The following SORCS2 variants were observed in gnomAD, a reference collection of about 807,000 sequenced individuals.
The protein encoded by SORCS2 is sortilin related VPS10 domain containing receptor 2.
SORCS2 carries 100 observed loss-of-function variants against 141.6 expected under a neutral mutation model. The observed-to-expected ratio is 0.71, with a 90% CI of 0.60 to 0.83. The LOEUF is 0.83. SORCS2 is among the 40% of genes least tolerant of loss of function. The pLI is 0.00. For missense variants in SORCS2, 1,646 were observed against 1,560.2 expected, an observed-to-expected ratio of 1.05 and a Z score of -0.93; for synonymous variants, 789 against 676.9, an observed-to-expected ratio of 1.17 and a Z score of -2.57.
chr4:7,328,844 C>T (rs1719458368), intron 1 of SORCS2, among the ~76,000 whole-genome samples: 1 of 152,228 alleles, frequency 6.6e-6, no homozygotes, highest in Non-Finnish European at 1.5e-5. Flanking sequence ...TCTACCGTCC[C>T]TTCCGGCCTG....
intron 2 of SORCS2, among the ~76,000 whole-genome samples, chr4:7,495,842 C>A (rs752442401): frequency 2.6e-5 from 4 of 152,226 alleles, no homozygotes; most frequent in Non-Finnish European, 4.4e-5. Flanking sequence ...GACCAGGGGC[C>A]GCAGCCCCCA....
intron 3 of SORCS2, among the ~76,000 whole-genome samples, chr4:7,599,984 C>G (rs61514129): frequency 0.24 from 35,871 of 151,772 alleles, 4,995 homozygotes; most frequent in Middle Eastern, 0.33. Context: ...CCACCACAAC[C>G]AGCTAATTTT....
At chr4:7,467,417 G>T (rs1452343189) in intron 2 of SORCS2, among the ~76,000 whole-genome samples, 1 of 152,178 alleles carries the variant, frequency 6.6e-6, no homozygotes, top group African/African-American at 2.4e-5. Flanking sequence ...GGGTGATCAA[G>T]GAGGTGGCGA....
At chr4:7,496,472 GTCCCCCA>G (rs1430629021) in intron 2 of SORCS2, among the ~76,000 whole-genome samples, 1,215 of 21,480 alleles carry the variant, frequency 0.057, 18 homozygotes, top group African/African-American at 0.17. Flanking sequence ...CCCGTCCCCC[GTCCCCCA>G]TCCCCCATCT....
intron 1 of SORCS2, among the ~76,000 whole-genome samples, chr4:7,284,390 C>G (rs1310466978): frequency 6.6e-6 from 1 of 152,232 alleles, no homozygotes; most frequent in Non-Finnish European, 1.5e-5. Context: ...TGTTTCCTTG[C>G]CTGTGAGATG....
At chr4:7,390,204 T>C (rs1312548918) in intron 1 of SORCS2, among the ~76,000 whole-genome samples, 2 of 152,214 alleles carry the variant, frequency 1.3e-5, no homozygotes, top group African/African-American at 4.8e-5. Context: ...AACACTAAGT[T>C]CTTGCAGTCT....
intron 3 of SORCS2, among the ~76,000 whole-genome samples, chr4:7,597,477 A>C (rs1717352718): frequency 1.1e-5 from 1 of 93,700 alleles, no homozygotes; most frequent in Non-Finnish European, 2.0e-5. Flanking sequence ...TCGCAATAGG[A>C]GGGGGCTATT....
At chr4:7,278,061 C>T (rs1202361670) in intron 1 of SORCS2, among the ~76,000 whole-genome samples, 3 of 152,152 alleles carry the variant, frequency 2.0e-5, no homozygotes, top group Non-Finnish European at 4.4e-5. Context: ...CAGAGAGGCT[C>T]AGCAATTGGC....
At chr4:7,209,157 A>T (rs564930673) in intron 1 of SORCS2, among the ~76,000 whole-genome samples, 62 of 152,280 alleles carry the variant, frequency 4.1e-4, no homozygotes, top group Admixed American at 7.8e-4. Context: ...AGCACATCAC[A>T]TGTGGAGGTC....
At chr4:7,646,767 G>C (rs527514529) in intron 4 of SORCS2, among the ~76,000 whole-genome samples, 1 of 152,204 alleles carries the variant, frequency 6.6e-6, no homozygotes, top group Non-Finnish European at 1.5e-5. Flanking sequence ...GCCTCAGAAC[G>C]GTGTGAGAAT....
Position 7,615,523 on chromosome 4 carries a change from G to A in SORCS2, c.649-22805G>A, listed in dbSNP as rs74939220. Among the ~76,000 whole-genome samples, 537 of 152,268 alleles carry A rather than the reference G, an allele frequency of 3.5e-3. 6 individuals are homozygous for A. Among genetic ancestry groups the A allele is most frequent in the African/African-American group, 0.012 (492 of 41,536 alleles). On this transcript the variant is annotated intron_variant, in intron 3 of 26. Transcript: ENST00000507866. The stretch of plus-strand genomic sequence containing the variant: ...TGTTGCACCCTGGGGTGATCTAAGA[G>A]GGACATGGTTACATACCTGCCCTCT...
intron 1 of SORCS2, among the ~76,000 whole-genome samples, chr4:7,218,151 C>T (rs7661066): frequency 0.31 from 47,238 of 152,054 alleles, 8,121 homozygotes; most frequent in Non-Finnish European, 0.39. Flanking sequence ...TCCGAGTGGG[C>T]GGACTTGGCC....
At chr4:7,342,537 C>T (rs1454969135) in intron 1 of SORCS2, among the ~76,000 whole-genome samples, 5 of 152,042 alleles carry the variant, frequency 3.3e-5, no homozygotes, top group Non-Finnish European at 5.9e-5. Context: ...GTCTTGGGGG[C>T]CAAGATGTGT....
intron 2 of SORCS2, among the ~76,000 whole-genome samples, chr4:7,497,737 G>A (rs938467667): frequency 2.0e-5 from 3 of 152,256 alleles, no homozygotes; most frequent in Non-Finnish European, 2.9e-5. Flanking sequence ...GTTGGGAAAC[G>A]GAGGATCCAC....
rs572160405 is a variant in SORCS2, at chr4:7,561,651, T to C, written c.648+30022T>C. On this transcript the variant is annotated intron_variant, in intron 3 of 26. Transcript: ENST00000507866. ...ACCCATTCATCTACCCATCCATCCG[T>C]CTACCCATTCATCCATCTATCCATC... 2.0e-5 allele frequency among the ~76,000 whole-genome samples: 3 copies of C among 151,910 alleles called. No homozygotes were observed. The East Asian group carries it at 5.8e-4, about 30-fold the overall frequency.
chr4:7,648,614 G>A lies in SORCS2; in HGVS notation c.814-5520G>A, dbSNP rs1200125845. ...GGCGCAGAGCAGATGACGAGGGATG[G>A]GTTAGAAGCTGCTGGGTCTACTGAG... On this transcript the variant is annotated intron_variant, in intron 4 of 26. Transcript: ENST00000507866. This position sits in a 1 kb window ranked among gnomAD's most constrained non-coding sequence, Gnocchi z 4.2. Among the ~76,000 whole-genome samples the A allele has an allele frequency of 6.6e-6, 1 of 152,158 alleles. No individual in the cohort carries two copies. The highest frequency in any genetic ancestry group is 1.5e-5 in the Non-Finnish European group (1 of 68,016).
At chr4:7,318,545 G>C (rs529980244) in intron 1 of SORCS2, among the ~76,000 whole-genome samples, 1 of 152,110 alleles carries the variant, frequency 6.6e-6, no homozygotes, top group Non-Finnish European at 1.5e-5. Flanking sequence ...TTAACTCTTC[G>C]TGCCCAGTTT....
chr4:7,686,768 G>A (rs778937399), intron 10 of SORCS2, among the ~76,000 whole-genome samples: 11 of 152,236 alleles, frequency 7.2e-5, no homozygotes, highest in Non-Finnish European at 1.2e-4. Context: ...CCAGGCTTGC[G>A]TGGGAGTGCG....
chr4:7,402,949 G>C (rs142269964), intron 2 of SORCS2, among the ~76,000 whole-genome samples: 2 of 151,924 alleles, frequency 1.3e-5, no homozygotes, highest in Admixed American at 6.6e-5. Context: ...ACTCTAAAAA[G>C]CCCATGTCAT....
Sources: gnomAD v4.1 joint callset for allele counts (sites outside exome capture counted in the v4.1 genomes callset) on GRCh38, gnomAD v4.1.1 for gene constraint, Gnocchi (gnomAD v3.1) non-coding constraint, MANE v1.5 for transcripts, NCBI Gene and HGNC (gene_info 2026-07-23, HGNC 2026-07-21) for gene names.